Variants in SPINK14 observed in about 807,000 individuals in gnomAD.
SPINK14 encodes serine protease inhibitor Kazal-type 14.
SPINK14 carries 6 observed loss-of-function variants against 14.2 expected under a neutral mutation model. The ratio of observed to expected loss-of-function variants is 0.42; its 90% CI spans 0.23 to 0.83. SPINK14 has a LOEUF of 0.83. Ranked by LOEUF, SPINK14 falls within the 40% of genes least tolerant of loss-of-function variation. The pLI, the probability that SPINK14 is intolerant of heterozygous loss-of-function variation, is 0.28. For missense variants in SPINK14, 86 were observed against 108.3 expected (o/e 0.79, Z 0.91); for synonymous variants, 34 against 36.8 (o/e 0.92, Z 0.27).
At position 148,174,641 on chromosome 5, in the gene SPINK14, G is replaced by A. The variant is rs1277142817; in HGVS notation, c.248+271G>A. ...TATGCCAATTGATTGACTTCCACTCGAGAAGCTCTCAAATATCCCTTCAGG... is the reference window on the plus strand; with the variant it reads ...TATGCCAATTGATTGACTTCCACTCAAGAAGCTCTCAAATATCCCTTCAGG... On this transcript the variant is annotated intron_variant, in intron 4 of 4. Transcript: ENST00000356972. 1.7e-4 allele frequency among the ~76,000 whole-genome samples: 7 copies of A among 41,728 alleles called. 3 individuals carry two copies. Among genetic ancestry groups the A allele is most frequent in the African/African-American group, 5.6e-4 (5 of 8,968 alleles). The allele number at this position is 41,728 out of a possible 152,430, so 27.4% of individuals were successfully genotyped here.
At chr5:148,171,617 ACTGTATT>A (rs1434268319) in intron 3 of SPINK14, among the ~76,000 whole-genome samples, 1 of 152,174 alleles carries the variant, frequency 6.6e-6, no homozygotes, top group East Asian at 1.9e-4. Flanking sequence ...CATTTGCATC[ACTGTATT>A]CCTTCCCTTT....
chr5:148,170,841 A>G lies in SPINK14; in HGVS notation c.68-89A>G, dbSNP rs1755095230. ...TTCCATTGCTGAAAACTTCCTTGATAATAAATTAGAACTCGTTTATTCTGC... is the reference window on the plus strand; with the variant it reads ...TTCCATTGCTGAAAACTTCCTTGATGATAAATTAGAACTCGTTTATTCTGC... On this transcript the variant is annotated intron_variant, in intron 2 of 4. Transcript: ENST00000356972. 7.0e-6 allele frequency: 8 copies of G among 1,150,168 alleles called. No homozygotes were observed. In the South Asian group the frequency reaches 9.4e-5, roughly 14 times the overall value. 71.2% of individuals were successfully genotyped at this position (1,150,168 alleles called of 1,614,324 possible).
rs1441649477 is a variant in SPINK14 at position 148,173,730 on chromosome 5, G to C, written c.112-504G>C. Among the ~76,000 whole-genome samples, 4 of 95,042 alleles carry C rather than the reference G, an allele frequency of 4.2e-5. 1 individual carries two copies. The South Asian group carries it at 1.0e-3, about 24-fold the overall frequency. 62.4% of individuals were successfully genotyped at this position (95,042 alleles called of 152,430 possible). On this transcript the variant is annotated intron_variant, in intron 3 of 4. Coordinates refer to ENST00000356972, the MANE Select transcript of SPINK14 (RefSeq NM_001001325.2). ...GGCCATTGTTCTCCTTTATTGAGAA[G>C]GTCCTGACAACCAGGGCATCATATT...
intron 2 of SPINK14, among the ~76,000 whole-genome samples, chr5:148,170,518 T>C (rs1397740272): frequency 1.3e-5 from 2 of 152,122 alleles, no homozygotes; most frequent in Non-Finnish European, 2.9e-5. Context: ...CTTTTTCACA[T>C]ATCTACCAAG....
chr5:148,174,248 T>G lies in SPINK14; in HGVS notation c.126T>G (p.Tyr42Ter), dbSNP rs771492869. ...PRGIIKVKCP[Y>*]EKVNLSWYNG... ...CTCAATTTCAGGTGAAATGTCCATATGAGAAAGTAAACTTGAGCTGGTACA... is the reference window on the plus strand; with the variant it reads ...CTCAATTTCAGGTGAAATGTCCATAGGAGAAAGTAAACTTGAGCTGGTACA... Residue 42 changes from tyrosine (Y) to a stop codon, truncating the protein, a stop_gained, in exon 4 of 5, where the codon TAT (tyrosine) becomes TAG (stop). Coordinates refer to ENST00000356972, the MANE Select transcript of SPINK14 (RefSeq NM_001001325.2). LOFTEE classifies it high-confidence loss of function. 4.5e-6 allele frequency: 5 copies of G among 1,114,320 alleles called. 1 individual carries two copies. The highest frequency in any genetic ancestry group is 4.9e-6 in the Non-Finnish European group (4 of 811,110). The allele number at this position is 1,114,320 out of a possible 1,614,324, so 69.0% of individuals were successfully genotyped here. A position where few individuals can be genotyped will look rare whatever the true frequency, so the allele number is the denominator to read the frequency against.
chr5:148,169,202 A>G (rs1434177151), intron 1 of SPINK14, among the ~76,000 whole-genome samples: 1 of 152,140 alleles, frequency 6.6e-6, no homozygotes, highest in Non-Finnish European at 1.5e-5. Flanking sequence ...CTTGGTATAG[A>G]CAAGCATGCC....
chr5:148,174,857 T>C (rs1201034798), intron 4 of SPINK14, among the ~76,000 whole-genome samples: 2 of 152,164 alleles, frequency 1.3e-5, no homozygotes, highest in African/African-American at 2.4e-5. Context: ...TGAAATCTTA[T>C]AACGCAATGC....
At chr5:148,170,173 T>C (rs13171863) in intron 2 of SPINK14, among the ~76,000 whole-genome samples, 60,159 of 133,624 alleles carry the variant, frequency 0.45, 14,046 homozygotes, top group Middle Eastern at 0.58. Flanking sequence ...TATATATATA[T>C]ACACACACAC....
intron 3 of SPINK14, among the ~76,000 whole-genome samples, chr5:148,173,125 G>A (rs1755128600): frequency 6.8e-6 from 1 of 147,960 alleles, no homozygotes; most frequent in African/African-American, 2.4e-5. Flanking sequence ...TGGTGGTGTT[G>A]AATAAAAAAA....
chr5:148,170,028 T>C (rs9885451), intron 2 of SPINK14, among the ~76,000 whole-genome samples: 51,898 of 137,018 alleles, frequency 0.38, 11,583 homozygotes, highest in Middle Eastern at 0.56. Context: ...GCCCATTGAA[T>C]CAGTATTTTA....
intron 2 of SPINK14, 102 bp downstream of exon 2, chr5:148,169,901 T>G (rs182893833): frequency 9.0e-6 from 7 of 781,506 alleles, no homozygotes; most frequent in Non-Finnish European, 1.4e-5. Flanking sequence ...TTAACTGGGA[T>G]GAATATATAT....
At chr5:148,174,676 A>AT (rs58166614) in intron 4 of SPINK14, among the ~76,000 whole-genome samples, 81,968 of 86,280 alleles carry the variant, frequency 0.95, 39,382 homozygotes, top group African/African-American at 0.99. Context: ...GCCCTGAATT[A>AT]TTTTTTATTT....
chr5:148,169,319 A>C (rs779392592), intron 1 of SPINK14, among the ~76,000 whole-genome samples: 3 of 109,184 alleles, frequency 2.7e-5, no homozygotes, highest in African/African-American at 8.5e-5. Context: ...TAGGGACCTC[A>C]ATAGCCCCAT....
At chr5:148,175,101 AT>A (rs1755150842) in intron 4 of SPINK14, among the ~76,000 whole-genome samples, 1 of 35,362 alleles carries the variant, frequency 2.8e-5, no homozygotes, top group Non-Finnish European at 6.3e-5. Flanking sequence ...CTCGGACCTG[AT>A]TACACAGCTT....
chr5:148,173,103 G>C (rs1755128401), intron 3 of SPINK14, among the ~76,000 whole-genome samples: 1 of 152,014 alleles, frequency 6.6e-6, no homozygotes, highest in Non-Finnish European at 1.5e-5. Context: ...AACGATGGTG[G>C]CCTGGCCATG....
chr5:148,170,169 T>TACACACACACAC (rs777519973), intron 2 of SPINK14, among the ~76,000 whole-genome samples: 50 of 105,668 alleles, frequency 4.7e-4, no homozygotes, highest in African/African-American at 1.5e-3. Context: ...TATATATATA[T>TACACACACACAC]ATATACACAC....
intron 4 of SPINK14, 62 bp from the exon 5 acceptor site, chr5:148,175,291 G>A: frequency 4.7e-6 from 5 of 1,057,682 alleles, no homozygotes; most frequent in Middle Eastern, 3.0e-4. Flanking sequence ...AATTTTAAAA[G>A]TATTTGTTTA....
At chr5:148,175,195 A>C (rs1755151473) in intron 4 of SPINK14, among the ~76,000 whole-genome samples, 158 bp from the exon 5 acceptor site, 1 of 132,754 alleles carries the variant, frequency 7.5e-6, no homozygotes, top group South Asian at 2.5e-4. Context: ...TAAGAAATCC[A>C]ATAATTTTGT....
chr5:148,174,346 C>A lies in SPINK14; in HGVS notation c.224C>A (p.Pro75His). Residue 75 changes from proline to histidine, a missense_variant, in exon 4 of 5, where the codon CCC becomes CAC. Transcript: ENST00000356972. ...ACCAATTTTATAACCTATGATAATCCCTGCATTCTGTGTGTTGAGAGCTTG... is the reference window on the plus strand; with the variant it reads ...ACCAATTTTATAACCTATGATAATCACTGCATTCTGTGTGTTGAGAGCTTG... Reference protein sequence around the residue: ...CGTNFITYDNPCILCVESLKS... With the variant: ...CGTNFITYDNHCILCVESLKS... 1 of 1,113,422 alleles carries A rather than the reference C, an allele frequency of 9.0e-7. No homozygotes were observed. 69.0% of individuals were successfully genotyped at this position (1,113,422 alleles called of 1,614,324 possible).
Sources: gnomAD v4.1 joint callset for allele counts (sites outside exome capture counted in the v4.1 genomes callset) on GRCh38, gnomAD v4.1.1 for gene constraint, MANE v1.5 for transcripts, NCBI Gene and HGNC (gene_info 2026-07-23, HGNC 2026-07-21) for gene names.